The following WHRN variants were observed in gnomAD, a reference collection of about 807,000 sequenced individuals.
The protein encoded by WHRN is CASK-interacting protein CIP98.
WHRN carries 41 observed loss-of-function variants against 68.3 expected under a neutral mutation model. The ratio of observed to expected loss-of-function variants is 0.60; its 90% CI spans 0.47 to 0.78. The LOEUF is 0.78. Among genes scored for constraint, WHRN ranks in the 30% least tolerant of loss-of-function variants. WHRN has a pLI of 0.00. For missense variants in WHRN, 1,243 were observed against 1,244.7 expected (o/e 1.00, Z 0.02); for synonymous variants, 560 against 561.3 (o/e 1.00, Z 0.03).
chr9:114,430,745 G>A (rs935926702), intron 3 of WHRN, among the ~76,000 whole-genome samples: 3 of 152,196 alleles, frequency 2.0e-5, no homozygotes, highest in African/African-American at 7.2e-5. Context: ...CCTGGGGAAC[G>A]GCTGTGAAAT....
intron 2 of WHRN, among the ~76,000 whole-genome samples, chr9:114,470,372 G>GT (rs1315065361): frequency 6.6e-6 from 1 of 152,134 alleles, no homozygotes; most frequent in Non-Finnish European, 1.5e-5. Context: ...GCCCCGAAGA[G>GT]TCACCACACG....
rs1836842244 is a variant in WHRN at position 114,426,224 on chromosome 9, C to T, written c.1153G>A (p.Ala385Thr). The T allele has an allele frequency of 1.9e-6, 3 of 1,612,330 alleles. No homozygotes were observed. In the East Asian group the frequency reaches 6.7e-5, roughly 36 times the overall value. The part of the protein sequence containing the change: ...IASSRIRETM[A>T]NSAGFLGDLT... ...GAGTGGCCAGACCCTGCCGAGTTCG[C>T]CATGGTCTCCCTGATCCGGGAACTG... The change falls in exon 4 of 12, where the codon GCG becomes ACG. Residue 385 changes from alanine to threonine, a missense_variant. Transcript: ENST00000362057.
chr9:114,504,231 C>A lies in WHRN; in HGVS notation c.571G>T (p.Val191Phe), dbSNP rs781410100. 6.2e-7 allele frequency: 1 copy of A among 1,614,160 alleles called. No individual in the cohort carries two copies. The highest frequency in any genetic ancestry group is 8.5e-7 in the Non-Finnish European group (1 of 1,180,036). Reference protein sequence around the residue: ...GLRVGDQILRVNDKSLARVTH... With the variant: ...GLRVGDQILRFNDKSLARVTH... Reference sequence around the variant, plus strand: ...ACCCGGGCCAGGGATTTGTCGTTGACGCGCAGAATCTGGTCCCCGACCCGC... The same window carrying A: ...ACCCGGGCCAGGGATTTGTCGTTGAAGCGCAGAATCTGGTCCCCGACCCGC... Residue 191 changes from valine (V) to phenylalanine (F), a missense_variant, in exon 1 of 12, where the codon GTC becomes TTC. Transcript: ENST00000362057.
chr9:114,464,185 C>T (rs1840471733), intron 3 of WHRN, among the ~76,000 whole-genome samples: 1 of 152,164 alleles, frequency 6.6e-6, no homozygotes, highest in African/African-American at 2.4e-5. Flanking sequence ...TGAGGTCAAA[C>T]AAGTTAATGA....
Position 114,406,492 on chromosome 9 carries a change from C to T in WHRN, c.2099G>A (p.Gly700Glu), listed in dbSNP as rs1279454738. The T allele has an allele frequency of 1.2e-6, 2 of 1,614,052 alleles. No homozygotes were observed. The highest frequency in any genetic ancestry group is 1.7e-6 in the Non-Finnish European group (2 of 1,180,046). The change falls in exon 9 of 12, where the codon GGG becomes GAG. Residue 700 changes from glycine to glutamate, a missense_variant. Coordinates refer to ENST00000362057, the MANE Select transcript of WHRN (RefSeq NM_015404.4). The stretch of plus-strand genomic sequence containing the variant: ...GGGTGATGGGGGCAGAAGGCAGCCC[C>T]CAGCCACTGTGGCCTCTGCAGAGGG... ...KSPSAEATVA[G>E]GCLLPPSPSG...
chr9:114,478,653 G>A lies in WHRN; in HGVS notation c.737C>T (p.Pro246Leu), dbSNP rs1841857897. Residue 246 changes from proline to leucine, a missense_variant, in exon 2 of 12, where the codon CCA (proline) becomes CTA (leucine). Transcript: ENST00000362057. ...WVDPQGRSIS[P>L]PSGLPQPHGG... ...GTGGGGCTGGGGCAGGCCCGAGGGT[G>A]GGGAGATGCTGCGGCCCTGCGGGTC... 2 of 1,613,620 alleles carry A rather than the reference G, an allele frequency of 1.2e-6. No individual in the cohort carries two copies. The highest frequency in any genetic ancestry group is 1.7e-6 in the Non-Finnish European group (2 of 1,179,950).
chr9:114,437,743 C>A (rs1261286560), intron 3 of WHRN, among the ~76,000 whole-genome samples: 2 of 152,202 alleles, frequency 1.3e-5, no homozygotes, highest in East Asian at 1.9e-4. Flanking sequence ...GCCTTCCCAG[C>A]CTACAGAAAT....
At chr9:114,468,194 T>C (rs1349049221) in intron 2 of WHRN, among the ~76,000 whole-genome samples, 1 of 152,140 alleles carries the variant, frequency 6.6e-6, no homozygotes, top group Non-Finnish European at 1.5e-5. Context: ...AAGGTTACCA[T>C]GAAGAAGATC....
At chr9:114,426,488 C>T (rs1295630012) in intron 3 of WHRN, 75 bp from the exon 4 acceptor site, 3 of 1,543,340 alleles carry the variant, frequency 1.9e-6, no homozygotes, top group Non-Finnish European at 2.7e-6. Context: ...CAGCCCAGAT[C>T]CCAATTCTCC....
chr9:114,501,521 T>A (rs561703635), intron 1 of WHRN, among the ~76,000 whole-genome samples: 1 of 150,722 alleles, frequency 6.6e-6, no homozygotes, highest in African/African-American at 2.5e-5. Context: ...GTAACTTGAT[T>A]CCTAAAATTT....
At chr9:114,425,183 G>A (rs1446583919) in intron 4 of WHRN, 159 bp from the exon 5 acceptor site, 1 of 792,268 alleles carries the variant, frequency 1.3e-6, no homozygotes, top group South Asian at 1.4e-5. Flanking sequence ...CTACTCAGGG[G>A]TAAAGGAAAC....
intron 1 of WHRN, among the ~76,000 whole-genome samples, chr9:114,488,961 A>T (rs955294939): frequency 5.3e-5 from 8 of 151,906 alleles, no homozygotes; most frequent in Non-Finnish European, 2.9e-5. Context: ...TCTGCTATAA[A>T]ACTCCCCACA....
At chr9:114,457,917 A>T (rs1384328735) in intron 3 of WHRN, among the ~76,000 whole-genome samples, 3 of 147,064 alleles carry the variant, frequency 2.0e-5, no homozygotes, top group Non-Finnish European at 3.0e-5. Flanking sequence ...CTCTGTTCAA[A>T]AAAAAAAAAA....
chr9:114,451,293 T>C (rs1313422626), intron 3 of WHRN, among the ~76,000 whole-genome samples: 18 of 152,178 alleles, frequency 1.2e-4, no homozygotes, highest in Non-Finnish European at 4.4e-5. Flanking sequence ...GGCCTGCCTT[T>C]GAATCACAGC....
In WHRN at chr9:114,406,360, G is replaced by C. The variant is rs751846994; in HGVS notation, c.2231C>G (p.Thr744Arg). 1 of 1,614,108 alleles carries C rather than the reference G, an allele frequency of 6.2e-7. No homozygotes were observed. The highest frequency in any genetic ancestry group is 1.1e-5 in the South Asian group (1 of 91,086). The stretch of plus-strand genomic sequence containing the variant: ...CCTGGCCTTGCTGTACTCACTGCGC[G>C]TCTGGGGCAGCGCCCTCACTTCATT... ...DVNEVRALPQ[T>R]RTASTLSQLS... The change falls in exon 9 of 12, where the codon ACG becomes AGG. Residue 744 changes from threonine to arginine, a missense_variant. Transcript: ENST00000362057.
At chr9:114,449,907 A>G (rs541237686) in intron 3 of WHRN, among the ~76,000 whole-genome samples, 1 of 152,278 alleles carries the variant, frequency 6.6e-6, no homozygotes, top group South Asian at 2.1e-4. Flanking sequence ...TGTTGTCTTG[A>G]CAATATAGTA....
intron 1 of WHRN, chr9:114,491,572 G>C (rs1842975081): frequency 1.1e-5 from 2 of 188,508 alleles, no homozygotes; most frequent in African/African-American, 4.6e-5. Context: ...ATGACCTGTG[G>C]TAACCAGCAA....
At chr9:114,449,150 AT>A (rs965767756) in intron 3 of WHRN, among the ~76,000 whole-genome samples, 1 of 152,192 alleles carries the variant, frequency 6.6e-6, no homozygotes, top group Non-Finnish European at 1.5e-5. Flanking sequence ...CTGACCTCAG[AT>A]TCAGTAAACC....
chr9:114,455,213 A>AC (rs2132768985), intron 3 of WHRN, among the ~76,000 whole-genome samples: 1 of 81,684 alleles, frequency 1.2e-5, no homozygotes, highest in East Asian at 7.3e-4. Context: ...TGCAAAAGAT[A>AC]CTTTTGTTTG....
Sources: allele counts gnomAD v4.1 joint callset (sites outside exome capture counted in the v4.1 genomes callset), GRCh38; gene constraint gnomAD v4.1.1; transcripts MANE v1.5; gene names NCBI Gene and HGNC (gene_info 2026-07-23, HGNC 2026-07-21).